The following GRAMD1B variants were observed in gnomAD, a reference collection of about 807,000 sequenced individuals.
GRAMD1B encodes the protein GRAM domain containing 1B, also known as protein Aster-B.
GRAMD1B carries 37 observed loss-of-function variants against 99.7 expected under a neutral mutation model. The ratio of observed to expected loss-of-function variants is 0.37; its 90% CI spans 0.29 to 0.49. The LOEUF (loss-of-function observed/expected upper bound fraction) is 0.49. Among genes scored for constraint, GRAMD1B ranks in the 20% least tolerant of loss-of-function variants. The probability of loss-of-function intolerance (pLI) is 0.98; values close to 1 mark genes in which losing one functional copy is unlikely to be tolerated. For missense variants in GRAMD1B, 888 were observed against 1,009.2 expected, an observed-to-expected ratio of 0.88 and a Z score of 1.63; for synonymous variants, 427 against 387.6, an observed-to-expected ratio of 1.10 and a Z score of -1.19.
chr11:123,596,352 AAC>A (rs1177596189), intron 7 of GRAMD1B, among the ~76,000 whole-genome samples: 1 of 152,248 alleles, frequency 6.6e-6, no homozygotes, highest in Non-Finnish European at 1.5e-5. Flanking sequence ...ATACCTATTT[AAC>A]ACAGTCTTGA....
chr11:123,592,831 G>A (rs928475509), intron 4 of GRAMD1B, among the ~76,000 whole-genome samples: 5 of 152,118 alleles, frequency 3.3e-5, no homozygotes, highest in East Asian at 3.9e-4. Context: ...TGCGTGGCTC[G>A]TCCCAGGTTT....
intron 2 of GRAMD1B, among the ~76,000 whole-genome samples, chr11:123,518,435 G>C (rs1220663793): frequency 6.6e-6 from 1 of 152,164 alleles, no homozygotes; most frequent in East Asian, 1.9e-4. Context: ...AGGGGGAAGA[G>C]AGAGAGCTTA....
At chr11:123,418,620 G>A (rs1565486089) in intron 1 of GRAMD1B, among the ~76,000 whole-genome samples, 1 of 152,130 alleles carries the variant, frequency 6.6e-6, no homozygotes, top group Non-Finnish European at 1.5e-5. Flanking sequence ...TGTGGTGTTG[G>A]CTTAGTGTGA....
rs187796667 is a variant in GRAMD1B, at chr11:123,534,628, C to T, written c.453-42739C>T. ...TTGTAATCCCAGCACTTTGGGAGGC[C>T]GAGGCGGGTGGATCACATGAGGTCA... On this transcript the variant is annotated intron_variant, in intron 2 of 19. Coordinates refer to ENST00000635736, the MANE Select transcript of GRAMD1B (RefSeq NM_001387025.1). Among the ~76,000 whole-genome samples the T allele has an allele frequency of 1.7e-3, 253 of 151,936 alleles. 1 individual carries two copies. Among genetic ancestry groups the T allele is most frequent in the Middle Eastern group, 6.8e-3 (2 of 294 alleles).
In GRAMD1B at chr11:123,577,403, C is replaced by T; in HGVS notation, c.489C>T (p.Cys163=). The T allele has an allele frequency of 6.3e-7, 1 of 1,596,040 alleles. No individual in the cohort carries two copies. Among genetic ancestry groups the T allele is most frequent in the African/African-American group, 1.3e-5 (1 of 74,666 alleles). Residue 163 remains cysteine (C), a synonymous_variant, in exon 3 of 20, where the codon TGC becomes TGT. Transcript: ENST00000635736. ...ASNSNRSTPA[C]SPILRKRSRS... is the part of the protein sequence containing the mutation. Reference sequence around the variant, plus strand: ...ACTCCAACCGCAGCACGCCGGCCTGCTCGCCCATCCTCCGGAAGCGGTCTC... The same window carrying T: ...ACTCCAACCGCAGCACGCCGGCCTGTTCGCCCATCCTCCGGAAGCGGTCTC...
chr11:123,585,562 A>G (rs1051169383), intron 4 of GRAMD1B, among the ~76,000 whole-genome samples: 7 of 152,138 alleles, frequency 4.6e-5, no homozygotes, highest in African/African-American at 1.7e-4. Context: ...GAGAGAAGCC[A>G]CACTCTACTT....
intron 2 of GRAMD1B, among the ~76,000 whole-genome samples, chr11:123,481,381 G>A (rs1443698994): frequency 6.6e-6 from 1 of 152,170 alleles, no homozygotes; most frequent in Non-Finnish European, 1.5e-5. Context: ...TTGAACCTGG[G>A]AGGCAGAGGT....
chr11:123,618,910 A>T, intron 18 of GRAMD1B, 110 bp downstream of exon 18: 1 of 734,820 alleles, frequency 1.4e-6, no homozygotes, highest in African/African-American at 1.7e-5. Context: ...TCCCTCTGGG[A>T]TGAGCCCACA....
At chr11:123,511,076 T>C (rs1446545757) in intron 2 of GRAMD1B, among the ~76,000 whole-genome samples, 1 of 151,768 alleles carries the variant, frequency 6.6e-6, no homozygotes, top group South Asian at 2.1e-4. Context: ...TTTTTCACTC[T>C]CTCTCTCTCT....
rs181931773 is a variant in GRAMD1B at position 123,419,472 on chromosome 11, A to G, written c.-176+60673A>G. Among the ~76,000 whole-genome samples, 8 of 152,316 alleles carry G rather than the reference A, an allele frequency of 5.3e-5. No individual in the cohort carries two copies. The East Asian group carries it at 1.4e-3, about 26-fold the overall frequency. Reference sequence around the variant, plus strand: ...TAGCCAGACCCTGTGTCTACAAAAAATAATAAAAATTAGCCGGCTGTGGTG... The same window carrying G: ...TAGCCAGACCCTGTGTCTACAAAAAGTAATAAAAATTAGCCGGCTGTGGTG... On this transcript the variant is annotated intron_variant, in intron 1 of 20. Transcript: ENST00000638157.
chr11:123,489,487 A>G (rs1454038309), intron 2 of GRAMD1B, among the ~76,000 whole-genome samples: 1 of 152,232 alleles, frequency 6.6e-6, no homozygotes, highest in African/African-American at 2.4e-5. Flanking sequence ...AAGATTGTCC[A>G]CTGAAGACAA....
intron 2 of GRAMD1B, among the ~76,000 whole-genome samples, chr11:123,574,781 G>A (rs536320690): frequency 1.4e-4 from 21 of 152,308 alleles, no homozygotes; most frequent in Admixed American, 1.3e-3. Context: ...GACCAGGGCC[G>A]GAAGCAGGTA....
chr11:123,438,354 A>G (rs376895564), intron 1 of GRAMD1B, among the ~76,000 whole-genome samples: 1 of 152,114 alleles, frequency 6.6e-6, no homozygotes, highest in South Asian at 2.1e-4. Flanking sequence ...AGGGCCTGGA[A>G]GCAGTCAGCC....
chr11:123,452,034 A>G (rs1028017826), intron 1 of GRAMD1B, among the ~76,000 whole-genome samples: 1 of 151,960 alleles, frequency 6.6e-6, no homozygotes, highest in Non-Finnish European at 1.5e-5. Context: ...GGGTCTCACT[A>G]TGTTTTCCGG....
intron 2 of GRAMD1B, among the ~76,000 whole-genome samples, chr11:123,524,747 G>A (rs1942531524): frequency 6.6e-6 from 1 of 152,184 alleles, no homozygotes; most frequent in South Asian, 2.1e-4. Context: ...TTAGGGTAAA[G>A]GCTTATTATG....
intron 2 of GRAMD1B, chr11:123,560,691 T>C (rs1970742): frequency 2.3e-4 from 10 of 44,412 alleles, no homozygotes; most frequent in East Asian, 2.5e-3. Flanking sequence ...TGCGTGTGTG[T>C]GTGTGTGTGT....
At chr11:123,556,936 G>C (rs1946241058) in intron 2 of GRAMD1B, among the ~76,000 whole-genome samples, 1 of 152,214 alleles carries the variant, frequency 6.6e-6, no homozygotes, top group Non-Finnish European at 1.5e-5. Flanking sequence ...AAAGGCCCAT[G>C]CCTTCCTAAT....
chr11:123,552,416 AG>A, intron 2 of GRAMD1B, among the ~76,000 whole-genome samples: 1 of 151,782 alleles, frequency 6.6e-6, no homozygotes, highest in Admixed American at 6.6e-5. Context: ...CTGGGATTAC[AG>A]GGGTGCATCA....
intron 1 of GRAMD1B, among the ~76,000 whole-genome samples, chr11:123,450,428 C>T (rs1397502003): frequency 6.6e-6 from 1 of 152,136 alleles, no homozygotes; most frequent in Admixed American, 6.5e-5. Flanking sequence ...TGCCAGATAC[C>T]GTTCCTAACA....
Sources: allele counts gnomAD v4.1 joint callset (sites outside exome capture counted in the v4.1 genomes callset), GRCh38; gene constraint gnomAD v4.1.1; transcripts MANE v1.5; gene names NCBI Gene and HGNC (gene_info 2026-07-23, HGNC 2026-07-21).